KLHL17: variants seen among roughly 807,000 people sequenced by gnomAD.
The protein encoded by KLHL17 is kelch-like protein 17.
Under a neutral mutation model 64.6 loss-of-function variants are expected in KLHL17, and 71 were observed. The ratio of observed to expected loss-of-function variants is 1.10; its 90% CI spans 0.91 to 1.34. The LOEUF (loss-of-function observed/expected upper bound fraction) is 1.34, where lower values mean the gene tolerates loss of function less well. KLHL17 is among the 40% of genes most tolerant of loss of function. The pLI, the probability that KLHL17 is intolerant of heterozygous loss-of-function variation, is 0.00. For synonymous variants in KLHL17, 612 were observed against 405.4 expected (o/e 1.51, Z -6.12); for missense variants, 1,140 against 935.0 (o/e 1.22, Z -2.86).
chr1:964,215 G>A (rs770048882), intron 10 of KLHL17, 35 bp downstream of exon 10: 50 of 1,608,754 alleles, frequency 3.1e-5, no homozygotes, highest in African/African-American at 4.0e-5. Context: ...ACCCCCTCCC[G>A]TGCGCCGCGG....
chr1:964,559 C>T (rs764386889), intron 11 of KLHL17, 29 bp downstream of exon 11: 11 of 1,407,246 alleles, frequency 7.8e-6, no homozygotes, highest in South Asian at 1.4e-5. Context: ...GGGAGGGGGG[C>T]GCGGGTCCGC....
At chr1:964,274 A>G (rs983945552) in intron 10 of KLHL17, 75 bp from the exon 11 acceptor site, 12 of 1,584,274 alleles carry the variant, frequency 7.6e-6, no homozygotes, top group Non-Finnish European at 1.0e-5. Context: ...CTGACACCCC[A>G]CCCTGGAGTC....
Position 963,843 on chromosome 1 carries a change from G to A in KLHL17, c.1356-77G>A, listed in dbSNP as rs937891080. ...CCTAGGGTAAGATTTCAGCCATTCCGCTGGGGAGGGCAGGTCCTGGGGCCG... is the reference window on the plus strand; with the variant it reads ...CCTAGGGTAAGATTTCAGCCATTCCACTGGGGAGGGCAGGTCCTGGGGCCG... On this transcript the variant is annotated intron_variant, in intron 8 of 11. Transcript: ENST00000338591. The A allele has an allele frequency of 7.0e-5, 102 of 1,459,934 alleles. No individual in the cohort carries two copies. The Middle Eastern group carries it at 2.1e-3, about 29-fold the overall frequency. 90.4% of individuals were successfully genotyped at this position (1,459,934 alleles called of 1,614,324 possible). A position where few individuals can be genotyped will look rare whatever the true frequency, so the allele number is the denominator to read the frequency against.
chr1:960,840 G>C (rs1464728840), intron 1 of KLHL17, 40 bp downstream of exon 1: 33 of 983,876 alleles, frequency 3.4e-5, no homozygotes, highest in Non-Finnish European at 3.9e-5. Context: ...GCGGCCTCGG[G>C]ACCTGCGCGG....
At position 960,592 on chromosome 1, in the gene KLHL17, G is replaced by C; in HGVS notation, c.-102G>C. 1 of 1,043,514 alleles carries C rather than the reference G, an allele frequency of 9.6e-7. No individual in the cohort carries two copies. The highest frequency in any genetic ancestry group is 1.2e-6 in the Non-Finnish European group (1 of 836,754). 64.6% of individuals were successfully genotyped at this position (1,043,514 alleles called of 1,614,324 possible). On this transcript the variant is annotated 5_prime_UTR_variant, in exon 1 of 12. Coordinates refer to ENST00000338591, the MANE Select transcript of KLHL17 (RefSeq NM_198317.3). ...CTGCGGGCGGGAGCGGCGGGAGTGA[G>C]CGACACAGAGCGGGCCGCCACCGCC...
At chr1:964,556 G>GTCCGCA (rs1291134021) in intron 11 of KLHL17, 26 bp downstream of exon 11, 1 of 1,456,964 alleles carries the variant, frequency 6.9e-7, no homozygotes, top group Non-Finnish European at 9.1e-7. Flanking sequence ...GCGGGGAGGG[G>GTCCGCA]GGCGCGGGTC....
rs1368168425 is a variant in KLHL17 at position 961,324 on chromosome 1, G to T, written c.139G>T (p.Ala47Ser). The T allele has an allele frequency of 3.2e-6, 5 of 1,540,248 alleles. No homozygotes were observed. The highest frequency in any genetic ancestry group is 3.5e-6 in the Non-Finnish European group (4 of 1,148,668). Reference protein sequence around the residue: ...PEAERTRPRQARPAAPMEGAV... With the variant: ...PEAERTRPRQSRPAAPMEGAV... Reference sequence around the variant, plus strand: ...GGCAGAGCGCACGCGGCCCCGGCAGGCTCGGCCCGCAGCCCCCATGGAGGG... The same window carrying T: ...GGCAGAGCGCACGCGGCCCCGGCAGTCTCGGCCCGCAGCCCCCATGGAGGG... The change falls in exon 2 of 12, where the codon GCT (alanine) becomes TCT (serine). Residue 47 changes from alanine to serine, a missense_variant. Coordinates refer to ENST00000338591, the MANE Select transcript of KLHL17 (RefSeq NM_198317.3).
At position 965,388 on chromosome 1, in the gene KLHL17, C is replaced by T. The variant is rs1484430529; in HGVS notation, c.*197C>T. On this transcript the variant is annotated 3_prime_UTR_variant, in exon 12 of 12. Transcript: ENST00000338591. ...CACGGCTGCCCGTTTACACCTTTAG[C>T]GTCTGGTCCTCCTGCGTGTCCTCCC... is the stretch of plus-strand genomic sequence containing the variant. The T allele has an allele frequency of 2.5e-5, 15 of 601,276 alleles. No homozygotes were observed. In the Admixed American group the frequency reaches 2.8e-4, roughly 11 times the overall value. 37.2% of individuals were successfully genotyped at this position (601,276 alleles called of 1,614,324 possible). A position where few individuals can be genotyped will look rare whatever the true frequency, so the allele number is the denominator to read the frequency against.
chr1:961,834 C>G lies in KLHL17; in HGVS notation c.498C>G (p.Leu166=), dbSNP rs370957996. 1.2e-6 allele frequency: 2 copies of G among 1,610,468 alleles called. No homozygotes were observed. Among genetic ancestry groups the G allele is most frequent in the African/African-American group, 1.3e-5 (1 of 75,062 alleles). Residue 166 remains leucine, a synonymous_variant, in exon 4 of 12, where the codon CTC becomes CTG. Transcript: ENST00000338591. The stretch of plus-strand genomic sequence containing the variant: ...CTCTCGGTGCCCCGTAGACTCTGCT[C>G]CCAGCCGCCAGTCTCCTGCAGCTGA... ...VVGEGNVQTL[L]PAASLLQLNG... is the part of the protein sequence containing the mutation.
chr1:963,019 C>A (rs1447870420), intron 6 of KLHL17, 90 bp from the exon 7 acceptor site: 3 of 1,546,156 alleles, frequency 1.9e-6, no homozygotes, highest in Non-Finnish European at 2.6e-6. Context: ...TGCCCCTCCG[C>A]CCCTCCATTC....
Position 961,362 on chromosome 1 carries a change from G to A in KLHL17, c.177G>A (p.Leu59=), listed in dbSNP as rs1050412940. Residue 59 remains leucine (L), a synonymous_variant, in exon 2 of 12, where the codon CTG becomes CTA. Coordinates refer to ENST00000338591, the MANE Select transcript of KLHL17 (RefSeq NM_198317.3). ...PAAPMEGAVQ[L]LSREGHSVAH... ...CCCCCATGGAGGGAGCCGTGCAGCT[G>A]CTGAGCCGCGAGGGCCACAGCGTGG... The A allele has an allele frequency of 3.8e-6, 6 of 1,591,332 alleles. No individual in the cohort carries two copies. The highest frequency in any genetic ancestry group is 3.5e-5 in the Admixed American group (2 of 57,288).
Position 962,427 on chromosome 1 carries a change from T to C in KLHL17, c.784T>C (p.Trp262Arg). The change falls in exon 5 of 12, where the codon TGG becomes CGG. Residue 262 changes from tryptophan to arginine, a missense_variant. Trp to Arg is a moderately radical substitution (Grantham distance 101, BLOSUM62 -3). Coordinates refer to ENST00000338591, the MANE Select transcript of KLHL17 (RefSeq NM_198317.3). ...GGAGGTCTACCGAGCCGTCCTGAGC[T>C]GGGTGAAACACGACGTGGACGCCCG... ...EEEVYRAVLS[W>R]VKHDVDARRQ... 6.2e-7 allele frequency: 1 copy of C among 1,612,704 alleles called. No individual in the cohort carries two copies. Among genetic ancestry groups the C allele is most frequent in the Non-Finnish European group, 8.5e-7 (1 of 1,179,908 alleles).
rs1249749435 is a variant in KLHL17, at chr1:965,041, C to G, written c.1779C>G (p.Ser593=). 2.1e-5 allele frequency: 34 copies of G among 1,612,598 alleles called. No individual in the cohort carries two copies. Among genetic ancestry groups the G allele is most frequent in the Non-Finnish European group, 2.6e-5 (31 of 1,179,870 alleles). Residue 593 remains serine (S), a synonymous_variant, in exon 12 of 12, where the codon TCC becomes TCG. Transcript: ENST00000338591. ...GGNDGSSSLN[S]IEKYNPRTNK... The stretch of plus-strand genomic sequence containing the variant: ...ACGACGGTAGCTCCAGCCTCAACTC[C>G]ATCGAGAAGTACAACCCGAGGACCA...
chr1:960,780 T>G lies in KLHL17; in HGVS notation c.87T>G (p.Pro29=). 1 of 1,099,500 alleles carries G rather than the reference T, an allele frequency of 9.1e-7. No individual in the cohort carries two copies. Among genetic ancestry groups the G allele is most frequent in the Non-Finnish European group, 1.1e-6 (1 of 901,760 alleles). The allele number at this position is 1,099,500 out of a possible 1,614,324, so 68.1% of individuals were successfully genotyped here. A position where few individuals can be genotyped will look rare whatever the true frequency, so the allele number is the denominator to read the frequency against. ...GGCCCGGGCCCGAGGCGCCGCCGCC[T>G]CCACCGCCGCAGCCGCCGGCGTGAG... The part of the protein sequence containing the change: ...SPGPGPEAPP[P]PPPQPPAPEA... Residue 29 remains proline (P), a synonymous_variant, in exon 1 of 12, where the codon CCT becomes CCG. Transcript: ENST00000338591.
chr1:963,492 C>T lies in KLHL17; in HGVS notation c.1343C>T (p.Ser448Phe), dbSNP rs767126686. ...TCGGCCGGCGGCTATGACGGGGCCT[C>T]CTGCCTGAACAGGTAGTTGGGGTTG... ...LYSAGGYDGA[S>F]CLNSAERYDP... Residue 448 changes from serine to phenylalanine, a missense_variant, in exon 8 of 12, where the codon TCC becomes TTC. Coordinates refer to ENST00000338591, the MANE Select transcript of KLHL17 (RefSeq NM_198317.3). 5 of 1,607,794 alleles carry T rather than the reference C, an allele frequency of 3.1e-6. No homozygotes were observed. The highest frequency in any genetic ancestry group is 1.3e-5 in the African/African-American group (1 of 74,968).
At position 960,637 on chromosome 1, in the gene KLHL17, TCCGCGTCCGTTAAGC is replaced by T; in HGVS notation, c.-51_-37del. On this transcript the variant is annotated 5_prime_UTR_variant, in exon 1 of 12. Coordinates refer to ENST00000338591, the MANE Select transcript of KLHL17 (RefSeq NM_198317.3). ...ACCGCCGAGCAGCCCTCCGGCAGTCTCCGCGTCCGTTAAGCCCGCGGGTCCTCCGCGAATCGGCGG... is the reference window on the plus strand; with the variant it reads ...ACCGCCGAGCAGCCCTCCGGCAGTCTCCGCGGGTCCTCCGCGAATCGGCGG... 1 of 1,287,644 alleles carries T rather than the reference TCCGCGTCCGTTAAGC, an allele frequency of 7.8e-7. No individual in the cohort carries two copies. Among genetic ancestry groups the T allele is most frequent in the African/African-American group, 1.6e-5 (1 of 63,030 alleles). 79.8% of individuals were successfully genotyped at this position (1,287,644 alleles called of 1,614,324 possible). A position where few individuals can be genotyped will look rare whatever the true frequency, so the allele number is the denominator to read the frequency against.
rs1313368218 is a variant in KLHL17 at position 964,517 on chromosome 1, A to C, written c.1687A>C (p.Met563Leu). The part of the protein sequence containing the change: ...KAGAWESVAP[M>L]NIRRSTHDLV... ...TGGAGCCTGGGAAAGCGTGGCGCCC[A>C]TGAATATCCGCAGGTCCGCAGTGGG... Residue 563 changes from methionine to leucine, a missense_variant, in exon 11 of 12, where the codon ATG becomes CTG. Physicochemically the swap from Met to Leu is conservative, Grantham distance 15 (BLOSUM62 2). Coordinates refer to ENST00000338591, the MANE Select transcript of KLHL17 (RefSeq NM_198317.3). 13 of 1,502,328 alleles carry C rather than the reference A, an allele frequency of 8.7e-6. No individual in the cohort carries two copies. The highest frequency in any genetic ancestry group is 4.9e-5 in the East Asian group (2 of 40,416). 93.1% of individuals were successfully genotyped at this position (1,502,328 alleles called of 1,614,324 possible).
intron 8 of KLHL17, 54 bp downstream of exon 8, chr1:963,558 G>A (rs574461422): frequency 1.6e-5 from 24 of 1,540,032 alleles, no homozygotes; most frequent in Admixed American, 1.2e-4. Context: ...CAAGAGGCAA[G>A]TTTGTGTCAC....
At chr1:962,078 C>T (rs1388667591) in intron 4 of KLHL17, 31 bp downstream of exon 4, 1 of 1,508,032 alleles carries the variant, frequency 6.6e-7, no homozygotes, top group Non-Finnish European at 9.1e-7. Flanking sequence ...CCCTCGCCCC[C>T]CACCCCACCC....
Sources: gnomAD v4.1 joint callset for allele counts on GRCh38, gnomAD v4.1.1 for gene constraint, MANE v1.5 for transcripts, NCBI Gene and HGNC (gene_info 2026-07-23, HGNC 2026-07-21) for gene names.